Variants in RNF144A observed in about 807,000 individuals in gnomAD.
RNF144A encodes the protein ring finger protein 144A, also known as E3 ubiquitin-protein ligase RNF144A.
A neutral mutation model predicts 38.7 loss-of-function variants in RNF144A; 11 were observed. The ratio of observed to expected loss-of-function variants is 0.28; its 90% CI spans 0.18 to 0.47. RNF144A has a LOEUF of 0.47. RNF144A is among the 20% of genes least tolerant of loss of function. The pLI is 0.99. For synonymous variants in RNF144A, 149 were observed against 143.9 expected (o/e 1.04, Z -0.25); for missense variants, 316 against 377.2 (o/e 0.84, Z 1.34).
intron 6 of RNF144A, among the ~76,000 whole-genome samples, chr2:7,049,297 A>C (rs1326677624): frequency 2.0e-5 from 3 of 152,254 alleles, no homozygotes; most frequent in Admixed American, 2.0e-4. Flanking sequence ...GTGCTCAACA[A>C]ATGTTGCTTG....
chr2:7,021,630 C>T (rs1671540082), intron 6 of RNF144A, among the ~76,000 whole-genome samples: 1 of 152,204 alleles, frequency 6.6e-6, no homozygotes, highest in South Asian at 2.1e-4. Context: ...GGGTTGGGGC[C>T]TCCACCCTCT....
In RNF144A at chr2:7,040,616, C is replaced by A. The variant is rs1672986798; in HGVS notation, c.*856C>A. The A allele has an allele frequency of 1.0e-6, 1 of 985,298 alleles. No individual in the cohort carries two copies. Among genetic ancestry groups the A allele is most frequent in the South Asian group, 4.7e-5 (1 of 21,288 alleles). The allele number at this position is 985,298 out of a possible 1,614,324, so 61.0% of individuals were successfully genotyped here. On this transcript the variant is annotated 3_prime_UTR_variant, in exon 9 of 9. Coordinates refer to ENST00000320892, the MANE Select transcript of RNF144A (RefSeq NM_014746.6). ...AGCAGAAAACGCTTTTTATTGTATT[C>A]AATCCCACTGCTTTGCTCGGCAATG...
chr2:7,054,077 G>A (rs1673632069), intron 6 of RNF144A, among the ~76,000 whole-genome samples: 1 of 152,196 alleles, frequency 6.6e-6, no homozygotes, highest in East Asian at 1.9e-4. Context: ...GAAGGCAGGG[G>A]AGAGCCGGCT....
chr2:7,042,846 C>T lies in RNF144A; in HGVS notation c.*3086C>T. On this transcript the variant is annotated 3_prime_UTR_variant, in exon 9 of 9. Transcript: ENST00000320892. The stretch of plus-strand genomic sequence containing the variant: ...TAGCTGTGGACAGAGGAACCAACAT[C>T]TGCCACCTCTGGCATTTTCTTTCTT... 1.0e-6 allele frequency: 1 copy of T among 985,438 alleles called. No homozygotes were observed. The highest frequency in any genetic ancestry group is 4.7e-5 in the South Asian group (1 of 21,290). 61.0% of individuals were successfully genotyped at this position (985,438 alleles called of 1,614,324 possible).
chr2:7,023,835 C>T (rs1401872442), intron 6 of RNF144A, among the ~76,000 whole-genome samples: 3 of 152,212 alleles, frequency 2.0e-5, no homozygotes, highest in Non-Finnish European at 4.4e-5. Flanking sequence ...TTCTTGCTAA[C>T]CCTGCAGACC....
At chr2:7,039,171 T>C (rs1380581468) in intron 8 of RNF144A, among the ~76,000 whole-genome samples, 2 of 148,990 alleles carry the variant, frequency 1.3e-5, no homozygotes, top group Non-Finnish European at 3.0e-5. Context: ...TGATGGTTAA[T>C]GGATGAATGG....
At chr2:7,056,289 C>T (rs1450512468) in intron 6 of RNF144A, among the ~76,000 whole-genome samples, 4 of 152,128 alleles carry the variant, frequency 2.6e-5, no homozygotes, top group African/African-American at 9.7e-5. Context: ...CCTGTCATCC[C>T]ACACCCATGG....
intron 2 of RNF144A, among the ~76,000 whole-genome samples, chr2:6,992,520 G>T (rs1217913924): frequency 2.0e-5 from 3 of 152,200 alleles, no homozygotes; most frequent in Non-Finnish European, 4.4e-5. Flanking sequence ...GGAAGGAAAA[G>T]GGAGTTAGGC....
intron 2 of RNF144A, among the ~76,000 whole-genome samples, chr2:6,953,153 G>T (rs149793704): frequency 1.3e-5 from 2 of 152,198 alleles, no homozygotes; most frequent in East Asian, 3.9e-4. Flanking sequence ...AGGGCTGGAC[G>T]CAGTGGCTCA....
Position 6,943,066 on chromosome 2 carries a change from G to A in RNF144A, c.-12+1919G>A, listed in dbSNP as rs1666118515. 6.6e-6 allele frequency among the ~76,000 whole-genome samples: 1 copy of A among 152,220 alleles called. No individual in the cohort carries two copies. The highest frequency in any genetic ancestry group is 6.5e-5 in the Admixed American group (1 of 15,284). On this transcript the variant is annotated intron_variant, in intron 2 of 8. Coordinates refer to ENST00000320892, the MANE Select transcript of RNF144A (RefSeq NM_014746.6). This position sits in a 1 kb window ranked among gnomAD's most constrained non-coding sequence, Gnocchi z 4.3. ...TAAGCCACCCACATGGAGACACCGAGTGGGTGGTCCTATCCAGATCTGATC... is the reference window on the plus strand; with the variant it reads ...TAAGCCACCCACATGGAGACACCGAATGGGTGGTCCTATCCAGATCTGATC...
downstream of RNF144A, among the ~76,000 whole-genome samples, chr2:7,047,604 G>C (rs544634303): frequency 6.6e-6 from 1 of 152,318 alleles, no homozygotes; most frequent in Non-Finnish European, 1.5e-5. Context: ...GGAATTCTGA[G>C]ATATACAATT....
chr2:6,963,346 C>T (rs1181308349), intron 2 of RNF144A, among the ~76,000 whole-genome samples: 2 of 152,196 alleles, frequency 1.3e-5, no homozygotes, highest in African/African-American at 2.4e-5. Flanking sequence ...TCCGATTTAC[C>T]TTCTGTGTTG....
chr2:7,065,163 G>C (rs965499466), intron 6 of RNF144A, among the ~76,000 whole-genome samples: 1 of 152,172 alleles, frequency 6.6e-6, no homozygotes, highest in Non-Finnish European at 1.5e-5. Context: ...GATGATGTAG[G>C]TACAATTATT....
intron 2 of RNF144A, among the ~76,000 whole-genome samples, chr2:6,974,007 A>G (rs1668152839): frequency 6.6e-6 from 1 of 152,238 alleles, no homozygotes; most frequent in South Asian, 2.1e-4. Flanking sequence ...ACAGAAGGAA[A>G]GATGTGGAAA....
At chr2:7,031,868 G>C (rs113997066) in intron 8 of RNF144A, among the ~76,000 whole-genome samples, 1 of 152,242 alleles carries the variant, frequency 6.6e-6, no homozygotes, top group African/African-American at 2.4e-5. Flanking sequence ...TCCACCTGGC[G>C]GCACAGAAGC....
chr2:7,054,480 C>A (rs1673651714), intron 6 of RNF144A, among the ~76,000 whole-genome samples: 1 of 152,186 alleles, frequency 6.6e-6, no homozygotes. Flanking sequence ...TAGGATTTTT[C>A]TGTCATGCAA....
chr2:6,957,456 T>G (rs1437020691), intron 2 of RNF144A, among the ~76,000 whole-genome samples: 1 of 152,236 alleles, frequency 6.6e-6, no homozygotes, highest in African/African-American at 2.4e-5. Flanking sequence ...TGTGGGTAAG[T>G]GCTGGATGTT....
chr2:7,058,341 A>G (rs955905898), intron 6 of RNF144A, among the ~76,000 whole-genome samples: 10 of 122,506 alleles, frequency 8.2e-5, no homozygotes, highest in Non-Finnish European at 1.2e-4. Context: ...GGGAACTGAA[A>G]AAAAAAAAAA....
At chr2:7,021,230 A>G (rs765560688) in intron 6 of RNF144A, among the ~76,000 whole-genome samples, 15 of 152,088 alleles carry the variant, frequency 9.9e-5, no homozygotes, top group Non-Finnish European at 1.9e-4. Flanking sequence ...GAAATTCATC[A>G]TATCCAGGTC....
Sources: allele counts gnomAD v4.1 joint callset (sites outside exome capture counted in the v4.1 genomes callset), GRCh38; gene constraint gnomAD v4.1.1; non-coding constraint Gnocchi (gnomAD v3.1); transcripts MANE v1.5; gene names NCBI Gene and HGNC (gene_info 2026-07-23, HGNC 2026-07-21).